The following PTPN3 variants were observed in gnomAD, a reference collection of about 807,000 sequenced individuals.
PTPN3 encodes tyrosine-protein phosphatase non-receptor type 3.
A neutral mutation model predicts 132.7 loss-of-function variants in PTPN3; 96 were observed. The observed-to-expected ratio is 0.72, with a 90% CI of 0.61 to 0.86. PTPN3 has a LOEUF of 0.86. PTPN3 is among the 40% of genes least tolerant of loss of function. PTPN3 has a pLI of 0.00. For missense variants in PTPN3, 1,125 were observed against 1,159.6 expected (o/e 0.97, Z 0.43); for synonymous variants, 398 against 429.0 (o/e 0.93, Z 0.89).
intron 21 of PTPN3, among the ~76,000 whole-genome samples, chr9:109,389,653 T>C (rs1176883365): frequency 6.6e-6 from 1 of 152,256 alleles, no homozygotes; most frequent in African/African-American, 2.4e-5. Context: ...AGAGTTTAAA[T>C]GACTTTCATT....
chr9:109,451,459 T>A (rs1845243046), intron 5 of PTPN3: 22 of 901,098 alleles, frequency 2.4e-5, no homozygotes, highest in Non-Finnish European at 2.9e-5. Flanking sequence ...ACACTGTTTA[T>A]TACTCATTCT....
Position 109,406,570 on chromosome 9 carries a change from T to G in PTPN3, c.1684A>C (p.Ile562Leu). ...KLNEGDQIVL[I>L]NGRDISEHTH... ...TGTTCTGAGATGTCCCGGCCATTGA[T>G]TAACACGATTTGATCCCCTTCGTTC... The change falls in exon 18 of 26, where the codon ATC (isoleucine) becomes CTC (leucine). Residue 562 changes from isoleucine to leucine, a missense_variant. Ile to Leu is a conservative substitution (Grantham distance 5). Coordinates refer to ENST00000374541, the MANE Select transcript of PTPN3 (RefSeq NM_002829.4). 6.2e-7 allele frequency: 1 copy of G among 1,614,184 alleles called. No homozygotes were observed. The highest frequency in any genetic ancestry group is 8.5e-7 in the Non-Finnish European group (1 of 1,180,016).
rs539103214 is a variant in PTPN3 at position 109,403,330 on chromosome 9, G to A, written c.1953+1118C>T. ...AGTCACACACATTTCACAAATGTCC[G>A]AGTTTTGCTTCTTTTTCCTTTATGT... On this transcript the variant is annotated intron_variant, in intron 19 of 25. Transcript: ENST00000374541. Among the ~76,000 whole-genome samples, 3 of 152,188 alleles carry A rather than the reference G, an allele frequency of 2.0e-5. 1 individual carries two copies. Among genetic ancestry groups the A allele is most frequent in the African/African-American group, 7.2e-5 (3 of 41,538 alleles).
chr9:109,440,004 G>T (rs1457642216), intron 7 of PTPN3, among the ~76,000 whole-genome samples: 1 of 152,142 alleles, frequency 6.6e-6, no homozygotes, highest in Admixed American at 6.5e-5. Context: ...GCTCTTTTGA[G>T]ATCCACACCA....
intron 7 of PTPN3, 23 bp from the exon 8 acceptor site, chr9:109,438,257 A>G: frequency 6.2e-7 from 1 of 1,600,902 alleles, no homozygotes; most frequent in Non-Finnish European, 8.5e-7. Flanking sequence ...AAGAAGGGGA[A>G]AATCATAATT....
chr9:109,478,320 C>A (rs1846787502), intron 1 of PTPN3, among the ~76,000 whole-genome samples: 1 of 152,238 alleles, frequency 6.6e-6, no homozygotes, highest in African/African-American at 2.4e-5. Context: ...TCCACTCTTT[C>A]TCATGATCAC....
chr9:109,410,403 C>A lies in PTPN3; in HGVS notation c.1326G>T (p.Glu442Asp). 1.2e-6 allele frequency: 2 copies of A among 1,613,936 alleles called. No individual in the cohort carries two copies. Among genetic ancestry groups the A allele is most frequent in the South Asian group, 2.2e-5 (2 of 91,020 alleles). The change falls in exon 15 of 26, where the codon GAG becomes GAT. Residue 442 changes from glutamate to aspartate, a missense_variant. Physicochemically the swap from Glu to Asp is conservative, Grantham distance 45. Transcript: ENST00000374541. ...NRSPHQESLSENNPAQSYLTQ... is the reference protein window; with the variant it reads ...NRSPHQESLSDNNPAQSYLTQ... The stretch of plus-strand genomic sequence containing the variant: ...TCAGGTAGCTTTGTGCCGGATTGTT[C>A]TCGGATAAACTCCTTCATCATGGGG...
chr9:109,457,510 C>T, intron 2 of PTPN3, 111 bp from the exon 3 acceptor site: 1 of 754,706 alleles, frequency 1.3e-6, no homozygotes, highest in Non-Finnish European at 2.2e-6. Flanking sequence ...TATGCACACA[C>T]ACTTCCCACC....
At chr9:109,514,122 C>G in the PTPN3 span, among the ~76,000 whole-genome samples, 2 of 152,212 alleles carry the variant, frequency 1.3e-5, no homozygotes, top group South Asian at 2.1e-4. Flanking sequence ...CATTCGGCAC[C>G]CCCCAGTATT....
chr9:109,521,442 G>A, the PTPN3 span, among the ~76,000 whole-genome samples: 2 of 152,304 alleles, frequency 1.3e-5, no homozygotes, highest in African/African-American at 2.4e-5. Flanking sequence ...TTACAGGCAT[G>A]AGCCACCACG....
the PTPN3 span, among the ~76,000 whole-genome samples, chr9:109,530,929 G>A: frequency 6.6e-6 from 1 of 152,058 alleles, no homozygotes; most frequent in South Asian, 2.1e-4. Flanking sequence ...TGTTGTTGTT[G>A]TTGAGTTTTA....
chr9:109,398,139 T>C (rs78176227), intron 19 of PTPN3, among the ~76,000 whole-genome samples: 4,453 of 152,252 alleles, frequency 0.029, 117 homozygotes, highest in East Asian at 0.15. Flanking sequence ...CTGGGCATGG[T>C]GGCGCATGCC....
intron 2 of PTPN3, among the ~76,000 whole-genome samples, chr9:109,458,689 G>A (rs1471084610): frequency 6.6e-6 from 1 of 152,142 alleles, no homozygotes; most frequent in African/African-American, 2.4e-5. Flanking sequence ...AACAGCGCTT[G>A]TACCTCCTGC....
the PTPN3 span, among the ~76,000 whole-genome samples, chr9:109,509,625 A>G: frequency 5.3e-4 from 81 of 152,328 alleles, 1 homozygote; most frequent in East Asian, 0.015. Context: ...CGTCAGGCCA[A>G]GTTCCTTGAC....
chr9:109,496,002 A>C (rs1374252476), intron 1 of PTPN3, among the ~76,000 whole-genome samples: 1 of 152,212 alleles, frequency 6.6e-6, no homozygotes, highest in Non-Finnish European at 1.5e-5. Context: ...TCAGCACTAC[A>C]TCTGCCATAC....
At chr9:109,434,761 C>A (rs544393985) in intron 9 of PTPN3, among the ~76,000 whole-genome samples, 1 of 152,100 alleles carries the variant, frequency 6.6e-6, no homozygotes, top group Admixed American at 6.5e-5. Flanking sequence ...CACCTCGAAG[C>A]GTTTTTATCT....
intron 1 of PTPN3, among the ~76,000 whole-genome samples, chr9:109,476,069 A>G (rs74776431): frequency 0.021 from 3,172 of 152,308 alleles, 106 homozygotes; most frequent in African/African-American, 0.073. Flanking sequence ...AGAGCCCTCT[A>G]AAGCTTTTTC....
chr9:109,459,561 A>AT lies in PTPN3; in HGVS notation c.139-2163dup, dbSNP rs928641583. Among the ~76,000 whole-genome samples, 3 of 152,012 alleles carry AT rather than the reference A, an allele frequency of 2.0e-5. No individual in the cohort carries two copies. The Middle Eastern group carries it at 9.5e-3, about 481-fold the overall frequency. ...GTTTGCCAGGCTCTAAGACTTTTTT[A>AT]TTTTTTTAGAGACAGGGTCTTGCTC... On this transcript the variant is annotated intron_variant, in intron 2 of 25. Transcript: ENST00000374541.
intron 14 of PTPN3, among the ~76,000 whole-genome samples, chr9:109,412,896 C>T (rs914648573): frequency 2.0e-5 from 3 of 151,876 alleles, no homozygotes; most frequent in African/African-American, 4.8e-5. Context: ...ATTACTATTG[C>T]TGCTAGTACT....
Sources: gnomAD v4.1 joint callset for allele counts (sites outside exome capture counted in the v4.1 genomes callset) on GRCh38, gnomAD v4.1.1 for gene constraint, MANE v1.5 for transcripts, NCBI Gene and HGNC (gene_info 2026-07-23, HGNC 2026-07-21) for gene names.